Variants in LINGO1 observed in about 807,000 individuals in gnomAD.
LINGO1 encodes leucine rich repeat and Ig domain containing 1, also known as leucine-rich repeat and immunoglobulin-like domain-containing nogo receptor-interacting protein 1.
Under a neutral mutation model 37.3 loss-of-function variants are expected in LINGO1, and 11 were observed. That is an observed-to-expected ratio of 0.29 (90% CI 0.19 to 0.49). The LOEUF is 0.49. Ranked by LOEUF, LINGO1 falls within the 20% of genes least tolerant of loss-of-function variation. The probability of loss-of-function intolerance (pLI) is 0.99; values close to 1 mark genes in which losing one functional copy is unlikely to be tolerated. For missense variants in LINGO1, 585 were observed against 878.2 expected, an observed-to-expected ratio of 0.67 and a Z score of 4.22; for synonymous variants, 387 against 403.0, an observed-to-expected ratio of 0.96 and a Z score of 0.48.
At chr15:77,669,336 T>C (rs1691140380) in intron 3 of LINGO1, among the ~76,000 whole-genome samples, 1 of 152,122 alleles carries the variant, frequency 6.6e-6, no homozygotes, top group Admixed American at 6.5e-5. Flanking sequence ...TCCCTTTGCC[T>C]CCCACAGCAT....
intron 2 of LINGO1, among the ~76,000 whole-genome samples, chr15:77,725,481 C>T (rs116325994): frequency 9.1e-4 from 138 of 152,266 alleles, no homozygotes; most frequent in African/African-American, 3.1e-3. Flanking sequence ...GGGGATCACT[C>T]GAACCCTGGT....
At position 77,615,412 on chromosome 15, in the gene LINGO1, G is replaced by A. The variant is rs375230128; in HGVS notation, c.495C>T (p.Asp165=). The change falls in exon 2 of 2, where the codon GAC becomes GAT. Residue 165 remains aspartate, a synonymous_variant. Transcript: ENST00000355300. ...CCTCCAGTGACTTGAGGTTGTACAG[G>A]TCCTGAAACATGTAGTCCAGTAGGA... ...IVILLDYMFQ[D]LYNLKSLEVG... 1.4e-5 allele frequency: 22 copies of A among 1,613,920 alleles called. No individual in the cohort carries two copies. Among genetic ancestry groups the A allele is most frequent in the African/African-American group, 4.0e-5 (3 of 74,936 alleles).
At chr15:77,737,042 AT>A (rs2076210792) in intron 1 of LINGO1, among the ~76,000 whole-genome samples, 1 of 152,154 alleles carries the variant, frequency 6.6e-6, no homozygotes, top group Non-Finnish European at 1.5e-5. Flanking sequence ...GGTGTTTCCA[AT>A]TTTTTATTTC....
intron 3 of LINGO1, among the ~76,000 whole-genome samples, chr15:77,659,273 C>G (rs1019395051): frequency 6.6e-6 from 1 of 152,156 alleles, no homozygotes; most frequent in Non-Finnish European, 1.5e-5. Flanking sequence ...CACCACTGTC[C>G]CCACTCCCAA....
intron 2 of LINGO1, among the ~76,000 whole-genome samples, chr15:77,718,942 T>G (rs934059381): frequency 6.6e-6 from 1 of 150,584 alleles, no homozygotes; most frequent in African/African-American, 2.4e-5. Flanking sequence ...CAAGAGAGGC[T>G]GGGGCTGGGC....
chr15:77,777,779 C>T (rs2076676369), intron 1 of LINGO1, among the ~76,000 whole-genome samples: 1 of 152,162 alleles, frequency 6.6e-6, no homozygotes, highest in African/African-American at 2.4e-5. Context: ...ACAAACTAGC[C>T]AGGTATGGTG....
At chr15:77,768,934 C>T (rs1014202312) in intron 1 of LINGO1, among the ~76,000 whole-genome samples, 5 of 152,240 alleles carry the variant, frequency 3.3e-5, no homozygotes, top group Middle Eastern at 3.2e-3. Flanking sequence ...TCTCAGCCCA[C>T]TGCAGCCCCA....
chr15:77,653,704 A>G (rs988421559), intron 3 of LINGO1, among the ~76,000 whole-genome samples: 6 of 151,964 alleles, frequency 3.9e-5, no homozygotes, highest in Non-Finnish European at 7.4e-5. Context: ...ACTTGTCTCT[A>G]CCCCAGAAGC....
chr15:77,694,701 C>T (rs2075660164), intron 1 of LINGO1, among the ~76,000 whole-genome samples: 1 of 152,214 alleles, frequency 6.6e-6, no homozygotes, highest in Non-Finnish European at 1.5e-5. Context: ...TTAAGTTGGT[C>T]CCTTCAAATT....
chr15:77,663,739 T>C (rs1414404870), intron 3 of LINGO1, among the ~76,000 whole-genome samples: 2 of 152,160 alleles, frequency 1.3e-5, no homozygotes, highest in Admixed American at 6.5e-5. Context: ...CCCCTACCAC[T>C]CTGCCGCTCA....
At chr15:77,675,450 G>A (rs1162835795) in intron 3 of LINGO1, among the ~76,000 whole-genome samples, 2 of 152,144 alleles carry the variant, frequency 1.3e-5, no homozygotes, top group Non-Finnish European at 2.9e-5. Context: ...TAAAAGGGTG[G>A]GGAAGAACTC....
chr15:77,763,278 G>C (rs1259692979), intron 1 of LINGO1, among the ~76,000 whole-genome samples: 1 of 152,078 alleles, frequency 6.6e-6, no homozygotes, highest in South Asian at 2.1e-4. Context: ...CTCAGGCCTG[G>C]GTGTGCCAGG....
At chr15:77,796,904 G>C (rs2076878444) in intron 1 of LINGO1, among the ~76,000 whole-genome samples, 2 of 152,130 alleles carry the variant, frequency 1.3e-5, no homozygotes, top group Non-Finnish European at 2.9e-5. Flanking sequence ...TGTAAACTAT[G>C]TTGCCCAGGC....
At chr15:77,712,053 A>G (rs1446864287) in intron 2 of LINGO1, among the ~76,000 whole-genome samples, 1 of 151,832 alleles carries the variant, frequency 6.6e-6, no homozygotes, top group Non-Finnish European at 1.5e-5. Context: ...TCTGCCTTCG[A>G]ACTTCCTGGC....
chr15:77,620,524 C>A (rs534091704), intron 1 of LINGO1, among the ~76,000 whole-genome samples: 1 of 152,270 alleles, frequency 6.6e-6, no homozygotes, highest in African/African-American at 2.4e-5. Flanking sequence ...CCCTGACACA[C>A]GCAGTTCTCT....
intron 1 of LINGO1, among the ~76,000 whole-genome samples, chr15:77,741,989 C>T (rs2076269168): frequency 2.0e-5 from 3 of 152,164 alleles, no homozygotes. Flanking sequence ...GGGCCATCCA[C>T]AATGGGCAGG....
chr15:77,767,434 C>T (rs955145818), intron 1 of LINGO1, among the ~76,000 whole-genome samples: 3 of 152,158 alleles, frequency 2.0e-5, no homozygotes, highest in Non-Finnish European at 4.4e-5. Context: ...GGCAACTTTT[C>T]TGGAAGCTAT....
At chr15:77,692,952 G>GTGCTTA (rs1415663775) in intron 1 of LINGO1, among the ~76,000 whole-genome samples, 2 of 152,256 alleles carry the variant, frequency 1.3e-5, no homozygotes, top group East Asian at 3.8e-4. Context: ...GCCTGTGTGT[G>GTGCTTA]TGCTTATGAG....
chr15:77,620,802 G>A (rs529567294), intron 1 of LINGO1, among the ~76,000 whole-genome samples: 6 of 152,310 alleles, frequency 3.9e-5, no homozygotes, highest in South Asian at 2.1e-4. Flanking sequence ...CATTCAGGGC[G>A]TGCCCCCAGG....
Sources: gnomAD v4.1 joint callset for allele counts (sites outside exome capture counted in the v4.1 genomes callset) on GRCh38, gnomAD v4.1.1 for gene constraint, MANE v1.5 for transcripts, NCBI Gene and HGNC (gene_info 2026-07-23, HGNC 2026-07-21) for gene names.